LPP: variants seen among roughly 807,000 people sequenced by gnomAD.
The protein encoded by LPP is lipoma-preferred partner.
LPP carries 38 observed loss-of-function variants against 60.4 expected under a neutral mutation model. The observed-to-expected ratio is 0.63, with a 90% CI of 0.49 to 0.83. LPP has a LOEUF of 0.83. LPP is among the 40% of genes least tolerant of loss of function. The pLI, the probability that LPP is intolerant of heterozygous loss-of-function variation, is 0.00. For synonymous variants in LPP, 328 were observed against 290.8 expected, an observed-to-expected ratio of 1.13 and a Z score of -1.30; for missense variants, 902 against 783.6, an observed-to-expected ratio of 1.15 and a Z score of -1.80.
chr3:188,171,742 G>A (rs1363354687), intron 1 of LPP, among the ~76,000 whole-genome samples: 4 of 152,202 alleles, frequency 2.6e-5, no homozygotes, highest in Non-Finnish European at 5.9e-5. Context: ...GAAAGGTGGG[G>A]TTTTTGCTTT....
chr3:188,264,354 A>G (rs1734709589), intron 2 of LPP, among the ~76,000 whole-genome samples: 2 of 151,850 alleles, frequency 1.3e-5, no homozygotes, highest in African/African-American at 4.8e-5. Context: ...TCTGAGGGCA[A>G]ATAACCACTT....
chr3:188,821,092 T>C (rs1378197707), intron 9 of LPP, among the ~76,000 whole-genome samples: 2 of 151,898 alleles, frequency 1.3e-5, no homozygotes, highest in African/African-American at 2.4e-5. Context: ...GATACAGTTC[T>C]CTCTTCCATT....
At chr3:188,772,816 T>G (rs1736509028) in intron 9 of LPP, among the ~76,000 whole-genome samples, 1 of 152,022 alleles carries the variant, frequency 6.6e-6, no homozygotes, top group Non-Finnish European at 1.5e-5. Flanking sequence ...GTGAGGGGGA[T>G]TTGGGGGGAG....
At chr3:188,654,734 T>C (rs1262932991) in intron 7 of LPP, among the ~76,000 whole-genome samples, 1 of 152,184 alleles carries the variant, frequency 6.6e-6, no homozygotes, top group Non-Finnish European at 1.5e-5. Flanking sequence ...GCTTACCCAG[T>C]CTCTTCCTCT....
At chr3:188,741,398 A>G (rs1724374786) in intron 8 of LPP, among the ~76,000 whole-genome samples, 1 of 152,026 alleles carries the variant, frequency 6.6e-6, no homozygotes, top group Non-Finnish European at 1.5e-5. Context: ...CTTTTCCAAA[A>G]TTAGTTGAAC....
At chr3:188,704,435 A>G (rs1237011222) in intron 7 of LPP, among the ~76,000 whole-genome samples, 1 of 152,218 alleles carries the variant, frequency 6.6e-6, no homozygotes, top group Non-Finnish European at 1.5e-5. Flanking sequence ...AAGGTTGACA[A>G]GCTCACCTAA....
chr3:188,615,682 G>A (rs1015842109), intron 7 of LPP, among the ~76,000 whole-genome samples: 9 of 152,130 alleles, frequency 5.9e-5, no homozygotes, highest in South Asian at 2.1e-4. Context: ...TTCCTTTAAG[G>A]ATGCATTTAA....
rs771048187 is a variant in LPP at position 188,884,137 on chromosome 3, C to G, written c.*9658C>G. The G allele has an allele frequency of 2.0e-4, 44 of 225,318 alleles. No homozygotes were observed. Among genetic ancestry groups the G allele is most frequent in the Non-Finnish European group, 3.8e-4 (43 of 113,218 alleles). 14.0% of individuals were successfully genotyped at this position (225,318 alleles called of 1,614,324 possible). The stretch of plus-strand genomic sequence containing the variant: ...AGAGAGCTTACAAACTGCTTCCACA[C>G]AGAAAATAGCGCAGGGAGGACAGTT... On this transcript the variant is annotated 3_prime_UTR_variant, in exon 12 of 12. Coordinates refer to ENST00000617246, the MANE Select transcript of LPP (RefSeq NM_001375462.1).
At chr3:188,407,092 A>C (rs1783680418) in intron 4 of LPP, among the ~76,000 whole-genome samples, 1 of 152,028 alleles carries the variant, frequency 6.6e-6, no homozygotes, top group Admixed American at 6.5e-5. Flanking sequence ...AAAAAAAAAA[A>C]ACTGAAGAAT....
chr3:188,803,331 C>T (rs1330382456), intron 9 of LPP, among the ~76,000 whole-genome samples: 1 of 152,220 alleles, frequency 6.6e-6, no homozygotes, highest in East Asian at 1.9e-4. Context: ...CTATGCTCAA[C>T]TTGTTGTATA....
At chr3:188,246,658 G>A (rs1727060479) in intron 2 of LPP, among the ~76,000 whole-genome samples, 1 of 152,114 alleles carries the variant, frequency 6.6e-6, no homozygotes, top group African/African-American at 2.4e-5. Context: ...CACAGGGCAG[G>A]AGCACTGAAT....
intron 4 of LPP, among the ~76,000 whole-genome samples, chr3:188,422,931 G>C (rs990540651): frequency 8.6e-5 from 13 of 151,220 alleles, no homozygotes; most frequent in African/African-American, 3.2e-4. Flanking sequence ...GTGTGTGTGT[G>C]TGTGTGTGTG....
chr3:188,753,289 T>C (rs1728681946), intron 8 of LPP, among the ~76,000 whole-genome samples: 1 of 152,340 alleles, frequency 6.6e-6, no homozygotes, highest in Admixed American at 6.5e-5. Context: ...TAATTTTCTA[T>C]TTTTTGTTAG....
intron 9 of LPP, among the ~76,000 whole-genome samples, chr3:188,761,539 G>A (rs1442002480): frequency 3.3e-5 from 5 of 152,134 alleles, no homozygotes; most frequent in South Asian, 2.1e-4. Flanking sequence ...AATCATTTGC[G>A]TAATTACTCT....
At chr3:188,312,468 AT>A (rs1459746582) in intron 2 of LPP, among the ~76,000 whole-genome samples, 1 of 152,198 alleles carries the variant, frequency 6.6e-6, no homozygotes, top group Non-Finnish European at 1.5e-5. Context: ...AAAGTTTTAT[AT>A]AGTTAATCCT....
intron 8 of LPP, among the ~76,000 whole-genome samples, chr3:188,731,754 C>A (rs1351289677): frequency 1.3e-5 from 2 of 152,026 alleles, no homozygotes; most frequent in Non-Finnish European, 2.9e-5. Context: ...GAACTCCTGA[C>A]CTTGTGATCC....
chr3:188,453,186 T>C (rs1796981542), intron 4 of LPP, among the ~76,000 whole-genome samples: 1 of 152,172 alleles, frequency 6.6e-6, no homozygotes, highest in Non-Finnish European at 1.5e-5. Context: ...ATGAATCTAC[T>C]TCCCCATCTT....
chr3:188,603,782 T>C (rs12107767), intron 6 of LPP, among the ~76,000 whole-genome samples: 43,682 of 151,852 alleles, frequency 0.29, 6,665 homozygotes, highest in Non-Finnish European at 0.33. Context: ...AAAATATAAT[T>C]GAAATGGAAA....
At chr3:188,161,910 A>C in intron 1 of LPP, among the ~76,000 whole-genome samples, 1 of 152,232 alleles carries the variant, frequency 6.6e-6, no homozygotes, top group East Asian at 1.9e-4. Context: ...GATGGCTGCC[A>C]TTGATGCTTG....
Sources: allele counts gnomAD v4.1 joint callset (sites outside exome capture counted in the v4.1 genomes callset), GRCh38; gene constraint gnomAD v4.1.1; transcripts MANE v1.5; gene names NCBI Gene and HGNC (gene_info 2026-07-23, HGNC 2026-07-21).